PCDHGA11: variants seen among roughly 807,000 people sequenced by gnomAD.
PCDHGA11 encodes the protein protocadherin gamma-A11.
A neutral mutation model predicts 60.4 loss-of-function variants in PCDHGA11; 39 were observed. That is an observed-to-expected ratio of 0.65 (90% CI 0.50 to 0.84). The LOEUF is 0.84. PCDHGA11 is among the 40% of genes least tolerant of loss of function. PCDHGA11 has a pLI of 0.00. For missense variants in PCDHGA11, 1,165 were observed against 1,197.7 expected, an observed-to-expected ratio of 0.97 and a Z score of 0.40; for synonymous variants, 533 against 510.3, an observed-to-expected ratio of 1.04 and a Z score of -0.60.
Position 141,421,174 on chromosome 5 carries a change from C to T in PCDHGA11, c.-54C>T, listed in dbSNP as rs2096550677. 1.5e-6 allele frequency: 2 copies of T among 1,378,742 alleles called. No individual in the cohort carries two copies. Among genetic ancestry groups the T allele is most frequent in the Non-Finnish European group, 1.9e-6 (2 of 1,030,696 alleles). 85.4% of individuals were successfully genotyped at this position (1,378,742 alleles called of 1,614,324 possible). A position where few individuals can be genotyped will look rare whatever the true frequency, so the allele number is the denominator to read the frequency against. The stretch of plus-strand genomic sequence containing the variant: ...CCTAGGACTTCATAGATACATAAGC[C>T]GATTCACAACCAACCAGCTCGAGAA... On this transcript the variant is annotated 5_prime_UTR_variant, in exon 1 of 4. Coordinates refer to ENST00000398587, the MANE Select transcript of PCDHGA11 (RefSeq NM_018914.3).
At chr5:141,436,950 C>A (rs894702404) in intron 1 of PCDHGA11, among the ~76,000 whole-genome samples, 3 of 152,138 alleles carry the variant, frequency 2.0e-5, no homozygotes, top group African/African-American at 7.2e-5. Flanking sequence ...ATAGTGAAAT[C>A]TAAACAAGGA....
rs2233613 is a variant in PCDHGA11 at position 141,511,203 on chromosome 5, G to A, written c.*30G>A. 0.14 allele frequency: 222,603 copies of A among 1,611,360 alleles called. 15,640 individuals carry two copies. The highest frequency in any genetic ancestry group is 0.18 in the Admixed American group (10,873 of 59,374). ...GAGGCCAGGCCAAGAGCCACAGGGC[G>A]GCCTCTCCCCAACCAGCCCAGCTTC... On this transcript the variant is annotated 3_prime_UTR_variant, in exon 4 of 4. Transcript: ENST00000398587.
chr5:141,488,196 TA>T, intron 1 of PCDHGA11, among the ~76,000 whole-genome samples: 1 of 152,186 alleles, frequency 6.6e-6, no homozygotes, highest in Non-Finnish European at 1.5e-5. Context: ...GTCTGGGTCT[TA>T]GGACTCATAT....
intron 1 of PCDHGA11, among the ~76,000 whole-genome samples, chr5:141,449,440 C>T (rs2098639026): frequency 6.6e-6 from 1 of 151,742 alleles, no homozygotes; most frequent in Admixed American, 6.6e-5. Flanking sequence ...AACTCCATCT[C>T]TACTAAAAAT....
At chr5:141,457,514 CAATT>C (rs1258794594) in intron 1 of PCDHGA11, among the ~76,000 whole-genome samples, 2 of 152,260 alleles carry the variant, frequency 1.3e-5, no homozygotes, top group African/African-American at 4.8e-5. Context: ...AGCTTAAAAA[CAATT>C]AATGAGACTA....
chr5:141,476,597 G>C lies in PCDHGA11; in HGVS notation c.2434-18210G>C, dbSNP rs2099394582. On this transcript the variant is annotated intron_variant, in intron 1 of 3. Coordinates refer to ENST00000398587, the MANE Select transcript of PCDHGA11 (RefSeq NM_018914.3). The surrounding 1 kb of genome is among the most constrained non-coding windows in gnomAD (Gnocchi z 7.6). ...GCGCTTTCCGCTCGAGAGCGCGCAC[G>C]ATCCCGATGTGGGAAGCAACTCTTT... The C allele has an allele frequency of 1.2e-6, 2 of 1,614,112 alleles. No individual in the cohort carries two copies. The highest frequency in any genetic ancestry group is 1.7e-6 in the Non-Finnish European group (2 of 1,180,046).
chr5:141,484,962 G>A (rs2099604361), intron 1 of PCDHGA11: 1 of 577,858 alleles, frequency 1.7e-6, no homozygotes, highest in Non-Finnish European at 3.1e-6. Flanking sequence ...GGCTGAGCCC[G>A]GGAGCCGCTG....
intron 1 of PCDHGA11, among the ~76,000 whole-genome samples, chr5:141,450,976 C>T (rs2098702750): frequency 6.6e-6 from 1 of 152,032 alleles, no homozygotes; most frequent in Admixed American, 6.6e-5. Flanking sequence ...AGGCATGTGC[C>T]ACCACACCCG....
At chr5:141,427,845 G>C in intron 1 of PCDHGA11, 1 of 1,550,582 alleles carries the variant, frequency 6.4e-7, no homozygotes, top group Non-Finnish European at 8.8e-7. Context: ...CTTCGACCAC[G>C]AGCAGCTGTG....
intron 1 of PCDHGA11, among the ~76,000 whole-genome samples, chr5:141,464,397 C>T (rs1352852782): frequency 1.3e-5 from 2 of 150,158 alleles, no homozygotes; most frequent in Non-Finnish European, 3.0e-5. Context: ...TAATGAAGAA[C>T]CTGAGATATA....
Position 141,490,583 on chromosome 5 carries a change from A to G in PCDHGA11, c.2434-4224A>G, listed in dbSNP as rs2099701693. ...ATCAGGCTCAACATTTCAGATGTCAATGACAATGCACCCCGCTTCAACCAG... is the reference window on the plus strand; with the variant it reads ...ATCAGGCTCAACATTTCAGATGTCAGTGACAATGCACCCCGCTTCAACCAG... On this transcript the variant is annotated intron_variant, in intron 1 of 3. Coordinates refer to ENST00000398587, the MANE Select transcript of PCDHGA11 (RefSeq NM_018914.3). This position sits in a 1 kb window ranked among gnomAD's most constrained non-coding sequence, Gnocchi z 5.4. 2.5e-6 allele frequency: 4 copies of G among 1,614,138 alleles called. No homozygotes were observed. Among genetic ancestry groups the G allele is most frequent in the African/African-American group, 1.3e-5 (1 of 75,032 alleles).
chr5:141,423,325 G>A lies in PCDHGA11; in HGVS notation c.2098G>A (p.Ala700Thr), dbSNP rs201044967. ...GCTGTACTTGGTGGTGGCGGTGGCCGCAGTCTCCTGCATCTTCCTGGTCTT... is the reference window on the plus strand; with the variant it reads ...GCTGTACTTGGTGGTGGCGGTGGCCACAGTCTCCTGCATCTTCCTGGTCTT... ...LSLYLVVAVA[A>T]VSCIFLVFVI... The change falls in exon 1 of 4, where the codon GCA becomes ACA. Residue 700 changes from alanine to threonine, a missense_variant. By Grantham distance (58) the Ala-to-Thr change is moderately conservative. Coordinates refer to ENST00000398587, the MANE Select transcript of PCDHGA11 (RefSeq NM_018914.3). 133 of 1,614,016 alleles carry A rather than the reference G, an allele frequency of 8.2e-5. No individual in the cohort carries two copies. Among genetic ancestry groups the A allele is most frequent in the Non-Finnish European group, 4.1e-5 (48 of 1,180,008 alleles).
chr5:141,451,745 G>T (rs562443882), intron 1 of PCDHGA11, among the ~76,000 whole-genome samples: 36 of 152,242 alleles, frequency 2.4e-4, no homozygotes, highest in Middle Eastern at 3.4e-3. Context: ...AGCTGGTCTG[G>T]TGGTGCATGC....
chr5:141,435,444 A>G (rs1471113812), intron 1 of PCDHGA11, among the ~76,000 whole-genome samples: 1 of 152,216 alleles, frequency 6.6e-6, no homozygotes, highest in East Asian at 1.9e-4. Flanking sequence ...TTTCATTAAT[A>G]CGATATCTGT....
At chr5:141,500,914 G>T (rs1237339394) in intron 2 of PCDHGA11, among the ~76,000 whole-genome samples, 2 of 151,130 alleles carry the variant, frequency 1.3e-5, no homozygotes, top group Non-Finnish European at 2.9e-5. Flanking sequence ...CTGTCTCCAG[G>T]CTGGGGTGCA....
At position 141,490,782 on chromosome 5, in the gene PCDHGA11, ACGGATCTTTGCC is replaced by A; in HGVS notation, c.2434-4023_2434-4012del. 6.2e-7 allele frequency: 1 copy of A among 1,614,054 alleles called. No individual in the cohort carries two copies. Among genetic ancestry groups the A allele is most frequent in the Non-Finnish European group, 8.5e-7 (1 of 1,179,952 alleles). ...TTGTGTATGTCAACCCAGAGGATGGACGGATCTTTGCCCAGCGTACCTTTGACTATGAATTGC... is the reference window on the plus strand; with the variant it reads ...TTGTGTATGTCAACCCAGAGGATGGACAGCGTACCTTTGACTATGAATTGC... On this transcript the variant is annotated intron_variant, in intron 1 of 3. Transcript: ENST00000398587. This position sits in a 1 kb window ranked among gnomAD's most constrained non-coding sequence, Gnocchi z 5.4.
chr5:141,427,960 G>A, intron 1 of PCDHGA11: 2 of 1,589,168 alleles, frequency 1.3e-6, no homozygotes, highest in East Asian at 2.2e-5. Context: ...AATGTGCCGC[G>A]GGTGCTGTAC....
intron 1 of PCDHGA11, among the ~76,000 whole-genome samples, chr5:141,435,921 C>T (rs767290430): frequency 1.3e-5 from 2 of 152,186 alleles, no homozygotes; most frequent in Admixed American, 6.5e-5. Context: ...CTCTAAAATG[C>T]GGCAGTTGCT....
At chr5:141,473,401 T>G (rs1285517100) in intron 1 of PCDHGA11, among the ~76,000 whole-genome samples, 3 of 152,222 alleles carry the variant, frequency 2.0e-5, no homozygotes. Context: ...GCTTCTTTTT[T>G]TCTTCTTCAG....
Sources: allele counts gnomAD v4.1 joint callset (sites outside exome capture counted in the v4.1 genomes callset), GRCh38; gene constraint gnomAD v4.1.1; non-coding constraint Gnocchi (gnomAD v3.1); transcripts MANE v1.5; gene names NCBI Gene and HGNC (gene_info 2026-07-23, HGNC 2026-07-21).